SLC25A21: variants seen among roughly 807,000 people sequenced by gnomAD.
SLC25A21 encodes solute carrier family 25 member 21.
SLC25A21 carries 47 observed loss-of-function variants against 43.8 expected under a neutral mutation model. The ratio of observed to expected loss-of-function variants is 1.07; its 90% CI spans 0.85 to 1.37. SLC25A21 has a LOEUF of 1.37. Among genes scored for constraint, SLC25A21 ranks in the 40% most tolerant of loss-of-function variants. The pLI is 0.00. For missense variants in SLC25A21, 352 were observed against 350.2 expected, an observed-to-expected ratio of 1.00 and a Z score of -0.04; for synonymous variants, 131 against 121.3, an observed-to-expected ratio of 1.08 and a Z score of -0.52.
intron 7 of SLC25A21, among the ~76,000 whole-genome samples, chr14:36,695,071 G>T (rs987863418): frequency 6.6e-6 from 1 of 152,094 alleles, no homozygotes; most frequent in Non-Finnish European, 1.5e-5. Flanking sequence ...AATCCATCTT[G>T]AATTAATTTT....
intron 1 of SLC25A21, among the ~76,000 whole-genome samples, chr14:36,974,109 T>C (rs935269878): frequency 7.2e-5 from 11 of 152,226 alleles, no homozygotes; most frequent in Non-Finnish European, 7.3e-5. Flanking sequence ...GACACTGGGA[T>C]GGGCTCACCA....
chr14:36,952,513 ATT>A (rs1190225104), intron 1 of SLC25A21: 1 of 152,068 alleles, frequency 6.6e-6, no homozygotes, highest in Non-Finnish European at 1.5e-5. Flanking sequence ...TCTTAATTTT[ATT>A]ACTATACTAT....
At chr14:37,078,170 G>T (rs924953074) in intron 1 of SLC25A21, among the ~76,000 whole-genome samples, 1 of 152,154 alleles carries the variant, frequency 6.6e-6, no homozygotes, top group African/African-American at 2.4e-5. Flanking sequence ...TTCTTATGAA[G>T]CTGGTTTAAA....
At chr14:37,095,002 G>T (rs1215450794) in intron 1 of SLC25A21, among the ~76,000 whole-genome samples, 1 of 152,102 alleles carries the variant, frequency 6.6e-6, no homozygotes, top group African/African-American at 2.4e-5. Context: ...TATGTGAAAT[G>T]ATATATATGT....
chr14:36,812,799 G>C (rs1057267660), intron 3 of SLC25A21, among the ~76,000 whole-genome samples: 1 of 152,062 alleles, frequency 6.6e-6, no homozygotes, highest in Non-Finnish European at 1.5e-5. Context: ...GGGTCAAGCA[G>C]ACCTAGATTT....
intron 3 of SLC25A21, among the ~76,000 whole-genome samples, chr14:36,789,962 A>C (rs1018928544): frequency 1.5e-5 from 2 of 130,682 alleles, no homozygotes; most frequent in Non-Finnish European, 3.1e-5. Context: ...TATATATAAA[A>C]TATGTATATA....
chr14:36,703,329 T>C (rs960649330), intron 7 of SLC25A21, among the ~76,000 whole-genome samples: 4 of 152,186 alleles, frequency 2.6e-5, no homozygotes, highest in Admixed American at 2.6e-4. Context: ...ACTAACACAT[T>C]TCCACATTTC....
intron 2 of SLC25A21, among the ~76,000 whole-genome samples, chr14:36,820,703 C>T (rs567234708): frequency 6.6e-6 from 1 of 152,288 alleles, no homozygotes; most frequent in South Asian, 2.1e-4. Context: ...ATAGACCTTG[C>T]CTTTTGTATT....
At chr14:37,149,297 C>T (rs1963718778) in intron 1 of SLC25A21, among the ~76,000 whole-genome samples, 1 of 152,164 alleles carries the variant, frequency 6.6e-6, no homozygotes, top group Non-Finnish European at 1.5e-5. Flanking sequence ...AGAAAATCTA[C>T]TGTCACTTTC....
At chr14:37,023,025 G>A (rs979098921) in intron 1 of SLC25A21, among the ~76,000 whole-genome samples, 2 of 151,952 alleles carry the variant, frequency 1.3e-5, no homozygotes, top group African/African-American at 4.8e-5. Context: ...ATTGCCTTCT[G>A]CAGGCCGTCA....
chr14:36,678,469 A>T lies in SLC25A21; in HGVS notation c.*2189T>A, dbSNP rs1321148970. On this transcript the variant is annotated 3_prime_UTR_variant, in exon 10 of 10. Transcript: ENST00000331299. ...TTGATCTTGTAAAACTTCCATTGAC[A>T]TCTGGAGTTCCCAGTCTGGTGAGAA... 5.9e-6 allele frequency: 9 copies of T among 1,534,442 alleles called. No homozygotes were observed. The Admixed American group carries it at 1.8e-4, about 30-fold the overall frequency.
chr14:36,715,742 G>C (rs911732675), intron 6 of SLC25A21, among the ~76,000 whole-genome samples: 1 of 152,148 alleles, frequency 6.6e-6, no homozygotes, highest in African/African-American at 2.4e-5. Flanking sequence ...TTCTATAATG[G>C]TTATGGGAAA....
At chr14:37,152,193 C>A (rs1963770262) in intron 1 of SLC25A21, among the ~76,000 whole-genome samples, 1 of 151,912 alleles carries the variant, frequency 6.6e-6, no homozygotes, top group Non-Finnish European at 1.5e-5. Flanking sequence ...ATCTACCCAA[C>A]CCAAACAAAT....
At chr14:36,910,721 C>T (rs956913642) in intron 1 of SLC25A21, among the ~76,000 whole-genome samples, 1 of 152,092 alleles carries the variant, frequency 6.6e-6, no homozygotes, top group Non-Finnish European at 1.5e-5. Flanking sequence ...CTAGAAGTAT[C>T]ATGAAAATGC....
chr14:37,126,351 CT>C, intron 1 of SLC25A21, among the ~76,000 whole-genome samples: 1 of 152,034 alleles, frequency 6.6e-6, no homozygotes, highest in South Asian at 2.1e-4. Flanking sequence ...TATCAATGCC[CT>C]CACTATAATA....
intron 7 of SLC25A21, among the ~76,000 whole-genome samples, chr14:36,704,503 A>G (rs950653250): frequency 1.3e-5 from 2 of 152,014 alleles, no homozygotes; most frequent in Admixed American, 6.6e-5. Context: ...CTAAAAATAT[A>G]AAAATTAGCT....
At chr14:36,788,963 T>C (rs1031514537) in intron 3 of SLC25A21, 8 of 152,174 alleles carry the variant, frequency 5.3e-5, no homozygotes, top group African/African-American at 1.7e-4. Context: ...GTAGATTTGG[T>C]TTTATTCATT....
intron 3 of SLC25A21, among the ~76,000 whole-genome samples, chr14:36,764,551 CCAAAA>C (rs3061622): frequency 1.4e-3 from 182 of 126,590 alleles, no homozygotes; most frequent in East Asian, 5.7e-3. Flanking sequence ...AAAAAAAAAG[CCAAAA>C]CAAAACAAAA....
chr14:36,744,718 T>A (rs1380936045), intron 3 of SLC25A21, among the ~76,000 whole-genome samples: 3 of 123,926 alleles, frequency 2.4e-5, no homozygotes, highest in Non-Finnish European at 3.4e-5. Context: ...AAACAGACAG[T>A]CTACAGAATG....
Sources: gnomAD v4.1 joint callset for allele counts (sites outside exome capture counted in the v4.1 genomes callset) on GRCh38, gnomAD v4.1.1 for gene constraint, MANE v1.5 for transcripts, NCBI Gene and HGNC (gene_info 2026-07-23, HGNC 2026-07-21) for gene names.